Variants in GRID1 observed in about 807,000 individuals in gnomAD.
GRID1 encodes the protein glutamate receptor ionotropic, delta-1.
GRID1 carries 28 observed loss-of-function variants against 98.0 expected under a neutral mutation model. The observed-to-expected ratio is 0.29, with a 90% CI of 0.21 to 0.39. The LOEUF is 0.39. GRID1 is among the 10% of genes least tolerant of loss of function. GRID1 has a pLI of 1.00. For missense variants in GRID1, 1,111 were observed against 1,340.5 expected, an observed-to-expected ratio of 0.83 and a Z score of 2.67; for synonymous variants, 553 against 538.5, an observed-to-expected ratio of 1.03 and a Z score of -0.37.
At chr10:85,698,322 A>G (rs1044319742) in intron 12 of GRID1, among the ~76,000 whole-genome samples, 1 of 152,220 alleles carries the variant, frequency 6.6e-6, no homozygotes, top group Non-Finnish European at 1.5e-5. Flanking sequence ...AGACTGATTT[A>G]TCCACAGTAG....
At chr10:85,858,460 G>GCTCTTGT (rs1843134679) in intron 6 of GRID1, among the ~76,000 whole-genome samples, 1 of 152,132 alleles carries the variant, frequency 6.6e-6, no homozygotes, top group African/African-American at 2.4e-5. Context: ...GAGGCCTAGA[G>GCTCTTGT]GAGCATTTCC....
At chr10:86,174,061 G>C (rs1348231894) in intron 3 of GRID1, among the ~76,000 whole-genome samples, 1 of 152,130 alleles carries the variant, frequency 6.6e-6, no homozygotes, top group Admixed American at 6.5e-5. Flanking sequence ...CTTTATAGCA[G>C]CATGACTTAT....
intron 4 of GRID1, among the ~76,000 whole-genome samples, chr10:86,123,338 T>C (rs1301664263): frequency 1.3e-5 from 2 of 152,148 alleles, no homozygotes; most frequent in Admixed American, 1.3e-4. Flanking sequence ...CAACAAAGAA[T>C]GGGATGTGGT....
At chr10:86,199,145 T>C (rs187265454) in intron 3 of GRID1, among the ~76,000 whole-genome samples, 2 of 152,194 alleles carry the variant, frequency 1.3e-5, no homozygotes. Context: ...TGTGTTTCCT[T>C]TCCTTAAACA....
intron 8 of GRID1, among the ~76,000 whole-genome samples, chr10:85,772,802 A>G (rs1178099014): frequency 6.6e-6 from 1 of 152,248 alleles, no homozygotes; most frequent in Admixed American, 6.5e-5. Context: ...ATAGACCAAT[A>G]GCAGGCTCTG....
intron 8 of GRID1, among the ~76,000 whole-genome samples, chr10:85,770,617 G>C (rs1374473139): frequency 6.6e-6 from 1 of 152,146 alleles, no homozygotes; most frequent in East Asian, 1.9e-4. Flanking sequence ...AACCAATACA[G>C]AGAAGTGCTT....
intron 5 of GRID1, among the ~76,000 whole-genome samples, chr10:85,879,869 C>A (rs559135383): frequency 6.6e-6 from 1 of 151,756 alleles, no homozygotes; most frequent in African/African-American, 2.4e-5. Context: ...ATTGATAGAC[C>A]GCTAGCAAGA....
intron 8 of GRID1, among the ~76,000 whole-genome samples, chr10:85,794,003 A>G (rs947781908): frequency 3.9e-5 from 6 of 152,238 alleles, no homozygotes; most frequent in African/African-American, 1.2e-4. Flanking sequence ...ATGATAAGAT[A>G]GATTTAACAT....
chr10:85,817,437 G>A (rs1285570140), intron 8 of GRID1, among the ~76,000 whole-genome samples: 3 of 151,944 alleles, frequency 2.0e-5, no homozygotes, highest in Admixed American at 6.6e-5. Flanking sequence ...GAGGTAGGAG[G>A]AGAGCCTGAG....
In GRID1 at chr10:85,620,000, C is replaced by T; in HGVS notation, c.2227G>A (p.Val743Met). The T allele has an allele frequency of 6.2e-7, 1 of 1,614,160 alleles. No homozygotes were observed. Among genetic ancestry groups the T allele is most frequent in the South Asian group, 1.1e-5 (1 of 91,088 alleles). Reference protein sequence around the residue: ...KKGNYAFLWDVAVVEYAALTD... With the variant: ...KKGNYAFLWDMAVVEYAALTD... ...AGGGCTGCGTATTCCACCACGGCCA[C>T]ATCCCACAGGAAGGCGTAGTTCCCC... Residue 743 changes from valine (V) to methionine (M), a missense_variant, in exon 14 of 16, where the codon GTG becomes ATG. This residue lies in a region of GRID1 where 762 missense variants were observed against 869.1 expected (regional missense o/e 0.88). Transcript: ENST00000327946.
intron 5 of GRID1, among the ~76,000 whole-genome samples, chr10:85,903,948 C>T (rs1400286225): frequency 6.6e-6 from 1 of 152,196 alleles, no homozygotes; most frequent in Non-Finnish European, 1.5e-5. Context: ...GAATCCATTC[C>T]TTCTCCCAAC....
chr10:86,322,192 G>A (rs1219849547), intron 2 of GRID1, among the ~76,000 whole-genome samples: 1 of 152,104 alleles, frequency 6.6e-6, no homozygotes, highest in African/African-American at 2.4e-5. Flanking sequence ...GGCTGAAACA[G>A]GAACTCTCCC....
At chr10:85,862,015 C>T (rs1295240346) in intron 6 of GRID1, among the ~76,000 whole-genome samples, 1 of 152,140 alleles carries the variant, frequency 6.6e-6, no homozygotes, top group African/African-American at 2.4e-5. Flanking sequence ...CACATCACAT[C>T]ACCAAGGGCA....
chr10:86,014,610 G>A (rs1462513572), intron 4 of GRID1, among the ~76,000 whole-genome samples: 1 of 152,218 alleles, frequency 6.6e-6, no homozygotes, highest in African/African-American at 2.4e-5. Context: ...GATGGGAAAA[G>A]CAGATTTAGG....
chr10:86,018,166 G>T (rs971067028), intron 4 of GRID1, among the ~76,000 whole-genome samples: 2 of 152,238 alleles, frequency 1.3e-5, no homozygotes, highest in African/African-American at 4.8e-5. Context: ...CCAGTGGAGG[G>T]GTGATCCGGC....
At chr10:86,220,837 G>A (rs1014157099) in intron 2 of GRID1, among the ~76,000 whole-genome samples, 5 of 152,224 alleles carry the variant, frequency 3.3e-5, no homozygotes, top group Admixed American at 1.3e-4. Flanking sequence ...CTGTTTTAGA[G>A]AATGAGTCAG....
chr10:85,632,302 CA>C (rs1404667617), intron 13 of GRID1, among the ~76,000 whole-genome samples: 7 of 152,082 alleles, frequency 4.6e-5, no homozygotes, highest in African/African-American at 1.7e-4. Context: ...TTCTAAAATT[CA>C]AGAATAAATA....
chr10:85,728,988 GC>G (rs1428572871), intron 9 of GRID1, among the ~76,000 whole-genome samples: 2 of 152,156 alleles, frequency 1.3e-5, no homozygotes, highest in Non-Finnish European at 2.9e-5. Context: ...AAAGGAAGAT[GC>G]TTTTAAAGTC....
chr10:85,855,972 G>A, intron 7 of GRID1, 57 bp downstream of exon 7: 1 of 1,507,294 alleles, frequency 6.6e-7, no homozygotes, highest in Non-Finnish European at 9.2e-7. Flanking sequence ...GGAACACAGT[G>A]GAGGTATAAG....
Sources: allele counts gnomAD v4.1 joint callset (sites outside exome capture counted in the v4.1 genomes callset), GRCh38; gene constraint gnomAD v4.1.1; regional missense constraint gnomAD v4.1.1; transcripts MANE v1.5; gene names NCBI Gene and HGNC (gene_info 2026-07-23, HGNC 2026-07-21).